ADARB2: variants seen among roughly 807,000 people sequenced by gnomAD.
ADARB2 encodes the protein inactive double-stranded RNA-specific editase B2.
A neutral mutation model predicts 62.2 loss-of-function variants in ADARB2; 25 were observed. The ratio of observed to expected loss-of-function variants is 0.40; its 90% CI spans 0.29 to 0.56. The LOEUF (loss-of-function observed/expected upper bound fraction) is 0.56, where lower values mean the gene tolerates loss of function less well. Among genes scored for constraint, ADARB2 ranks in the 20% least tolerant of loss-of-function variants. The pLI is 0.43. For missense variants in ADARB2, 1,071 were observed against 1,077.4 expected, an observed-to-expected ratio of 0.99 and a Z score of 0.08; for synonymous variants, 572 against 500.8, an observed-to-expected ratio of 1.14 and a Z score of -1.90.
At chr10:1,345,693 C>T (rs989259242) in intron 3 of ADARB2, among the ~76,000 whole-genome samples, 4 of 152,270 alleles carry the variant, frequency 2.6e-5, no homozygotes, top group Middle Eastern at 3.4e-3. Flanking sequence ...AGGGACAGGA[C>T]AAGAATTGTA....
rs565894693 is a variant in ADARB2 at position 1,324,175 on chromosome 10, A to G, written c.1077+38853T>C. Among the ~76,000 whole-genome samples the G allele has an allele frequency of 9.8e-5, 15 of 152,374 alleles. No individual in the cohort carries two copies. The South Asian group carries it at 3.1e-3, about 32-fold the overall frequency. On this transcript the variant is annotated intron_variant, in intron 3 of 9. Coordinates refer to ENST00000381312, the MANE Select transcript of ADARB2 (RefSeq NM_018702.4). Reference sequence around the variant, plus strand: ...CTAAACTATATTAGTCATTCAGGAAATGCAAATGAAAACCACACGAGGTAC... The same window carrying G: ...CTAAACTATATTAGTCATTCAGGAAGTGCAAATGAAAACCACACGAGGTAC...
At chr10:1,326,971 AGCGCCTCCCCACGGCC>A (rs1831861091) in intron 3 of ADARB2, among the ~76,000 whole-genome samples, 4 of 51,496 alleles carry the variant, frequency 7.8e-5, no homozygotes, top group African/African-American at 2.1e-4. Context: ...CCCACGGCCC[AGCGCCTCCCCACGGCC>A]CAGCGCCTCC....
intron 1 of ADARB2, among the ~76,000 whole-genome samples, chr10:1,386,840 A>T (rs1174854172): frequency 6.6e-6 from 1 of 151,910 alleles, no homozygotes; most frequent in East Asian, 1.9e-4. Context: ...TGTATAGAGT[A>T]TTTGCTGAGA....
intron 1 of ADARB2, among the ~76,000 whole-genome samples, chr10:1,423,896 G>A (rs1832872218): frequency 6.6e-6 from 1 of 152,188 alleles, no homozygotes; most frequent in Non-Finnish European, 1.5e-5. Flanking sequence ...GGTCCACTAT[G>A]TATGCAGTAA....
intron 1 of ADARB2, among the ~76,000 whole-genome samples, chr10:1,717,156 C>CT (rs397969884): frequency 0.27 from 16,838 of 63,116 alleles, 3,435 homozygotes; most frequent in South Asian, 0.36. Context: ...TTGTAGTGTG[C>CT]TTTTTTTTTT....
chr10:1,466,543 A>G (rs773006109), intron 1 of ADARB2, among the ~76,000 whole-genome samples: 50 of 151,998 alleles, frequency 3.3e-4, no homozygotes, highest in Non-Finnish European at 8.8e-5. Context: ...TGGGGTGGGA[A>G]CCTCACCTAG....
At chr10:1,596,223 C>G (rs552814488) in intron 1 of ADARB2, among the ~76,000 whole-genome samples, 2 of 152,320 alleles carry the variant, frequency 1.3e-5, no homozygotes, top group South Asian at 4.1e-4. Context: ...ATGGCAATGA[C>G]ATTTTTGACA....
At chr10:1,376,171 A>T (rs949693861) in intron 2 of ADARB2, among the ~76,000 whole-genome samples, 5 of 152,190 alleles carry the variant, frequency 3.3e-5, no homozygotes, top group African/African-American at 1.2e-4. Flanking sequence ...TGCCACAGGG[A>T]TCTAGGAAGG....
intron 1 of ADARB2, among the ~76,000 whole-genome samples, chr10:1,595,842 G>T (rs577102187): frequency 6.6e-6 from 1 of 152,362 alleles, no homozygotes; most frequent in South Asian, 2.1e-4. Context: ...AGGCCCAGCA[G>T]CTTTGGACAT....
chr10:1,307,945 G>T (rs1831646453), intron 3 of ADARB2, among the ~76,000 whole-genome samples: 1 of 111,584 alleles, frequency 9.0e-6, no homozygotes, highest in African/African-American at 3.5e-5. Context: ...TGGGGGGAGG[G>T]GGGAGGGATA....
intron 3 of ADARB2, among the ~76,000 whole-genome samples, chr10:1,331,735 A>G (rs1831929775): frequency 6.6e-6 from 1 of 152,260 alleles, no homozygotes; most frequent in African/African-American, 2.4e-5. Flanking sequence ...TATCTGATTT[A>G]TAGCCCAATT....
intron 1 of ADARB2, among the ~76,000 whole-genome samples, chr10:1,485,441 G>A (rs145274894): frequency 3.9e-5 from 6 of 152,218 alleles, no homozygotes; most frequent in African/African-American, 1.2e-4. Context: ...ATGTAGACAT[G>A]TACCTATGGC....
chr10:1,212,993 G>A (rs1837177460), intron 7 of ADARB2, among the ~76,000 whole-genome samples: 1 of 152,226 alleles, frequency 6.6e-6, no homozygotes, highest in Non-Finnish European at 1.5e-5. Context: ...AGAACAGCGT[G>A]GCAGCACTCG....
chr10:1,279,385 A>G (rs1369092132), intron 3 of ADARB2, among the ~76,000 whole-genome samples: 1 of 152,206 alleles, frequency 6.6e-6, no homozygotes, highest in East Asian at 1.9e-4. Flanking sequence ...GCGTGATCAT[A>G]GCTCACTGCA....
At chr10:1,636,736 TATG>T (rs924007859) in intron 1 of ADARB2, among the ~76,000 whole-genome samples, 6 of 149,726 alleles carry the variant, frequency 4.0e-5, no homozygotes, top group Admixed American at 1.3e-4. Flanking sequence ...TATATACCGA[TATG>T]ATGTATAATA....
At chr10:1,269,816 C>T (rs959472681) in intron 4 of ADARB2, among the ~76,000 whole-genome samples, 1 of 150,446 alleles carries the variant, frequency 6.6e-6, no homozygotes, top group Non-Finnish European at 1.5e-5. Context: ...GGAATGGTCA[C>T]CTCCAGCAGG....
intron 1 of ADARB2, among the ~76,000 whole-genome samples, chr10:1,690,779 C>A (rs935502820): frequency 6.6e-6 from 1 of 152,218 alleles, no homozygotes; most frequent in Admixed American, 6.5e-5. Context: ...CTTCCTGTCA[C>A]CCCCTCCCCA....
At chr10:1,322,551 G>T (rs116575061) in intron 3 of ADARB2, among the ~76,000 whole-genome samples, 1 of 152,140 alleles carries the variant, frequency 6.6e-6, no homozygotes, top group South Asian at 2.1e-4. Flanking sequence ...TAATATTGAG[G>T]AAGGAGAATA....
intron 6 of ADARB2, among the ~76,000 whole-genome samples, chr10:1,229,531 C>T (rs1178003024): frequency 1.3e-5 from 2 of 152,114 alleles, no homozygotes; most frequent in Non-Finnish European, 2.9e-5. Context: ...TTTCTTATGC[C>T]CTACTCTGTG....
Sources: gnomAD v4.1 joint callset for allele counts (sites outside exome capture counted in the v4.1 genomes callset) on GRCh38, gnomAD v4.1.1 for gene constraint, MANE v1.5 for transcripts, NCBI Gene and HGNC (gene_info 2026-07-23, HGNC 2026-07-21) for gene names.